ATXN2L: variants seen among roughly 807,000 people sequenced by gnomAD.
ATXN2L encodes the protein ataxin-2-like protein.
A neutral mutation model predicts 120.7 loss-of-function variants in ATXN2L; 24 were observed. That is an observed-to-expected ratio of 0.20 (90% CI 0.14 to 0.28). ATXN2L has a LOEUF of 0.28. Ranked by LOEUF, ATXN2L falls within the 10% of genes least tolerant of loss-of-function variation. ATXN2L has a pLI of 1.00. For synonymous variants in ATXN2L, 653 were observed against 568.1 expected (o/e 1.15, Z -2.13); for missense variants, 1,312 against 1,432.3 (o/e 0.92, Z 1.36).
rs768894992 is a variant in ATXN2L, at chr16:28,836,355, C to T, written c.*90C>T. 1.2e-5 allele frequency: 19 copies of T among 1,613,360 alleles called. No individual in the cohort carries two copies. Among genetic ancestry groups the T allele is most frequent in the African/African-American group, 2.7e-5 (2 of 74,860 alleles). On this transcript the variant is annotated 3_prime_UTR_variant, in exon 22 of 22. Coordinates refer to ENST00000336783, the MANE Select transcript of ATXN2L (RefSeq NM_007245.4). ...TAGGGTGGGCAGAAGCCACAGTCGC[C>T]GCCGCCAGGGGCTTGCTCCTGGCTC...
chr16:28,831,333 T>A (rs1287094203), intron 10 of ATXN2L, among the ~76,000 whole-genome samples: 1 of 151,838 alleles, frequency 6.6e-6, no homozygotes, highest in Non-Finnish European at 1.5e-5. Flanking sequence ...TTGTTTTGTT[T>A]TTTTCTTTTT....
In ATXN2L at chr16:28,833,493, G is replaced by T. The variant is rs1443222098; in HGVS notation, c.2010G>T (p.Lys670Asn). The stretch of plus-strand genomic sequence containing the variant: ...ATGCTAAGGAGTTCAATCCTACAAA[G>T]CCTCTGCTGTCTGTGGTGAGCTGGG... The part of the protein sequence containing the change: ...NPNAKEFNPT[K>N]PLLSVNKSTS... Residue 670 changes from lysine (K) to asparagine (N), a missense_variant, in exon 15 of 22, where the codon AAG (lysine) becomes AAT (asparagine). Transcript: ENST00000336783. 2 of 1,614,204 alleles carry T rather than the reference G, an allele frequency of 1.2e-6. No homozygotes were observed. Among genetic ancestry groups the T allele is most frequent in the East Asian group, 2.2e-5 (1 of 44,890 alleles).
chr16:28,836,610 C>A lies in ATXN2L; in HGVS notation c.*345C>A. The A allele has an allele frequency of 6.3e-7, 1 of 1,592,746 alleles. No homozygotes were observed. The highest frequency in any genetic ancestry group is 1.1e-5 in the South Asian group (1 of 89,500). On this transcript the variant is annotated 3_prime_UTR_variant, in exon 22 of 22. Coordinates refer to ENST00000336783, the MANE Select transcript of ATXN2L (RefSeq NM_007245.4). The stretch of plus-strand genomic sequence containing the variant: ...GTGCTTCTGACAGCCCCCGAGACAC[C>A]TTGAGGAGGCCGCTCCTTCCCAGAC...
chr16:28,824,393 C>A, intron 1 of ATXN2L: 1 of 1,266,314 alleles, frequency 7.9e-7, no homozygotes, highest in Non-Finnish European at 1.0e-6. Flanking sequence ...TTTTAGTGCG[C>A]AGGCGCAGAC....
Position 28,836,785 on chromosome 16 carries a change from C to T in ATXN2L, c.*520C>T, listed in dbSNP as rs1432543277. On this transcript the variant is annotated 3_prime_UTR_variant, in exon 22 of 22. Transcript: ENST00000336783. ...CACCCCCCGGGGAACTGAAGATTGTCCTGGCCGCGACCTGAGACCTCCATG... is the reference window on the plus strand; with the variant it reads ...CACCCCCCGGGGAACTGAAGATTGTTCTGGCCGCGACCTGAGACCTCCATG... 2.5e-6 allele frequency: 4 copies of T among 1,613,862 alleles called. No homozygotes were observed. The highest frequency in any genetic ancestry group is 2.2e-5 in the East Asian group (1 of 44,898).
At chr16:28,833,990 A>G (rs1202981522) in intron 15 of ATXN2L, 75 bp from the exon 16 acceptor site, 22 of 1,509,304 alleles carry the variant, frequency 1.5e-5, no homozygotes, top group Non-Finnish European at 1.7e-5. Flanking sequence ...ACGAATGTTA[A>G]TTATTACCAC....
rs1386388275 is a variant in ATXN2L at position 28,836,310 on chromosome 16, G to A, written c.*45G>A. On this transcript the variant is annotated 3_prime_UTR_variant, in exon 22 of 22. Transcript: ENST00000336783. The stretch of plus-strand genomic sequence containing the variant: ...TGTCCCACAGGGCGCCCGCCGACCT[G>A]CACCTGTCTGTGAAGTATGTAGGGT... 6.2e-7 allele frequency: 1 copy of A among 1,611,556 alleles called. No homozygotes were observed. Among genetic ancestry groups the A allele is most frequent in the Non-Finnish European group, 8.5e-7 (1 of 1,178,900 alleles).
intron 5 of ATXN2L, 136 bp from the exon 6 acceptor site, chr16:28,826,726 C>G: frequency 9.0e-7 from 1 of 1,109,640 alleles, no homozygotes; most frequent in Non-Finnish European, 1.2e-6. Context: ...CCTGGCCATC[C>G]TAACACACGG....
intron 5 of ATXN2L, 62 bp downstream of exon 5, chr16:28,826,452 G>T (rs1246031313): frequency 3.2e-6 from 5 of 1,549,890 alleles, no homozygotes; most frequent in African/African-American, 1.4e-5. Flanking sequence ...AGGGTAGTTT[G>T]TGTGCAGGTG....
intron 1 of ATXN2L, chr16:28,824,467 C>G: frequency 1.6e-6 from 2 of 1,287,878 alleles, no homozygotes; most frequent in Non-Finnish European, 2.0e-6. Context: ...GCCAGCGGCC[C>G]CCTCTTCGCC....
At chr16:28,832,727 G>C in intron 12 of ATXN2L, 90 bp from the exon 13 acceptor site, 1 of 1,447,210 alleles carries the variant, frequency 6.9e-7, no homozygotes. Flanking sequence ...TTTTTTCTTT[G>C]CTTTCTTGTC....
chr16:28,822,999 G>A lies in ATXN2L; in HGVS notation c.-261G>A, dbSNP rs1380735570. 2.7e-5 allele frequency: 3 copies of A among 111,484 alleles called. No individual in the cohort carries two copies. Among genetic ancestry groups the A allele is most frequent in the Admixed American group, 1.3e-4 (1 of 7,902 alleles). 6.9% of individuals were successfully genotyped at this position (111,484 alleles called of 1,614,324 possible). On this transcript the variant is annotated 5_prime_UTR_variant, in exon 1 of 22. Transcript: ENST00000336783. Reference sequence around the variant, plus strand: ...GCGCGCTCCTCCCTCTCCGCTCCCCGGCGACGCGCACGCGCGCCAGCCCGG... The same window carrying A: ...GCGCGCTCCTCCCTCTCCGCTCCCCAGCGACGCGCACGCGCGCCAGCCCGG...
In ATXN2L at chr16:28,835,628, C is replaced by A; in HGVS notation, c.2765C>A (p.Thr922Lys). Residue 922 changes from threonine to lysine, a missense_variant, in exon 21 of 22, where the codon ACG (threonine) becomes AAG (lysine). Transcript: ENST00000336783. ...TACCACCCAGGGGCCCTGACAGGCACGCCGCCCTCTCTGCCACCGGGACCT... is the reference window on the plus strand; with the variant it reads ...TACCACCCAGGGGCCCTGACAGGCAAGCCGCCCTCTCTGCCACCGGGACCT... ...NLYHPGALTG[T>K]PPSLPPGPSA... The A allele has an allele frequency of 6.2e-7, 1 of 1,614,060 alleles. No homozygotes were observed. Among genetic ancestry groups the A allele is most frequent in the Non-Finnish European group, 8.5e-7 (1 of 1,179,982 alleles).
Position 28,836,522 on chromosome 16 carries a change from G to GT in ATXN2L, c.*258dup. On this transcript the variant is annotated 3_prime_UTR_variant, in exon 22 of 22. Coordinates refer to ENST00000336783, the MANE Select transcript of ATXN2L (RefSeq NM_007245.4). ...GCAGCAGACAGGGCCAGACTGGGGT[G>GT]TGGGGGGCTGAGCTGGGCACATGAG... The GT allele has an allele frequency of 6.3e-7, 1 of 1,595,622 alleles. No individual in the cohort carries two copies. Among genetic ancestry groups the GT allele is most frequent in the Non-Finnish European group, 8.5e-7 (1 of 1,171,972 alleles).
rs1462588309 is a variant in ATXN2L, at chr16:28,833,248, G to A, written c.1849G>A (p.Gly617Ser). 1 of 1,614,082 alleles carries A rather than the reference G, an allele frequency of 6.2e-7. No individual in the cohort carries two copies. Among genetic ancestry groups the A allele is most frequent in the Non-Finnish European group, 8.5e-7 (1 of 1,180,052 alleles). ...EDKPPLAPSG[G>S]TEGPEQPPPP... Reference sequence around the variant, plus strand: ...CAAACCACCCCTGGCACCATCAGGAGGCACTGAGGGGCCAGAGCAGCCCCC... The same window carrying A: ...CAAACCACCCCTGGCACCATCAGGAAGCACTGAGGGGCCAGAGCAGCCCCC... Residue 617 changes from glycine to serine, a missense_variant, in exon 14 of 22, where the codon GGC becomes AGC. By Grantham distance (56) the Gly-to-Ser change is moderately conservative (BLOSUM62 0). Transcript: ENST00000336783.
Position 28,825,346 on chromosome 16 carries a change from T to C in ATXN2L, c.300-20T>C. The C allele has an allele frequency of 1.2e-6, 2 of 1,613,548 alleles. No homozygotes were observed. Among genetic ancestry groups the C allele is most frequent in the Non-Finnish European group, 1.7e-6 (2 of 1,179,522 alleles). The stretch of plus-strand genomic sequence containing the variant: ...AGAGGGCTTGAACAGACTTAAGTAA[T>C]TTCTTGTTTTCTTTTATAGGGGACA... On this transcript the variant is annotated intron_variant, in intron 1 of 21. Coordinates refer to ENST00000336783, the MANE Select transcript of ATXN2L (RefSeq NM_007245.4).
At chr16:28,834,744 C>T (rs1197697594) in intron 18 of ATXN2L, 51 bp downstream of exon 18, 1 of 1,545,478 alleles carries the variant, frequency 6.5e-7, no homozygotes, top group South Asian at 1.2e-5. Context: ...TGCTAGGGAT[C>T]CCATCTTCTC....
In ATXN2L at chr16:28,834,175, C is replaced by T. The variant is rs1043670779; in HGVS notation, c.2136C>T (p.Ser712=). The change falls in exon 16 of 22, where the codon TCC becomes TCT. Residue 712 remains serine (S), a synonymous_variant. Transcript: ENST00000336783. The stretch of plus-strand genomic sequence containing the variant: ...GGCTATACAGCCCCCAGTACATCTC[C>T]TACATACCTCAGATCCACATGGGAC... ...QSGLYSPQYI[S]YIPQIHMGPA... 2 of 1,614,058 alleles carry T rather than the reference C, an allele frequency of 1.2e-6. No individual in the cohort carries two copies. Among genetic ancestry groups the T allele is most frequent in the African/African-American group, 2.7e-5 (2 of 74,922 alleles).
Position 28,836,385 on chromosome 16 carries a change from C to T in ATXN2L, c.*120C>T, listed in dbSNP as rs767083387. 5.1e-5 allele frequency: 83 copies of T among 1,613,440 alleles called. No homozygotes were observed. The highest frequency in any genetic ancestry group is 6.9e-5 in the Non-Finnish European group (81 of 1,179,944). On this transcript the variant is annotated 3_prime_UTR_variant, in exon 22 of 22. Transcript: ENST00000336783. ...CCAGGGGCTTGCTCCTGGCTCTGTC[C>T]TTTGCTTCCCTCCGTCCTCGCTCAG...
Sources: allele counts gnomAD v4.1 joint callset (sites outside exome capture counted in the v4.1 genomes callset), GRCh38; gene constraint gnomAD v4.1.1; transcripts MANE v1.5; gene names NCBI Gene and HGNC (gene_info 2026-07-23, HGNC 2026-07-21).